The following PTPRN2 variants were observed in gnomAD, a reference collection of about 807,000 sequenced individuals.
PTPRN2 encodes the protein protein tyrosine phosphatase receptor type N2, also known as receptor-type tyrosine-protein phosphatase N2.
Under a neutral mutation model 118.8 loss-of-function variants are expected in PTPRN2, and 74 were observed. The observed-to-expected ratio is 0.62, with a 90% CI of 0.52 to 0.76. The LOEUF is 0.76. PTPRN2 is among the 30% of genes least tolerant of loss of function. The pLI, the probability that PTPRN2 is intolerant of heterozygous loss-of-function variation, is 0.00. For synonymous variants in PTPRN2, 641 were observed against 608.0 expected (o/e 1.05, Z -0.80); for missense variants, 1,481 against 1,394.4 (o/e 1.06, Z -0.99).
At chr7:158,026,127 G>A (rs879341999) in intron 11 of PTPRN2, among the ~76,000 whole-genome samples, 11 of 152,256 alleles carry the variant, frequency 7.2e-5, no homozygotes, top group Admixed American at 3.9e-4. Context: ...GGGTCGGCGC[G>A]GAGGGAAGGA....
chr7:157,798,936 T>G (rs1191839604), intron 12 of PTPRN2, among the ~76,000 whole-genome samples: 1 of 152,100 alleles, frequency 6.6e-6, no homozygotes, highest in Non-Finnish European at 1.5e-5. Context: ...CTCCAGTCCC[T>G]CTCCCAGGAA....
intron 4 of PTPRN2, among the ~76,000 whole-genome samples, chr7:158,200,923 AT>A (rs575867124): frequency 2.6e-5 from 4 of 152,216 alleles, no homozygotes; most frequent in Non-Finnish European, 4.4e-5. Context: ...TGATTTCATT[AT>A]TTTTTTAAAA....
chr7:157,632,139 A>G lies in PTPRN2; in HGVS notation c.2197-10630T>C, dbSNP rs1055869393. On this transcript the variant is annotated intron_variant, in intron 14 of 22. Coordinates refer to ENST00000389418, the MANE Select transcript of PTPRN2 (RefSeq NM_002847.5). This position sits in a 1 kb window ranked among gnomAD's most constrained non-coding sequence, Gnocchi z 4.3. Reference sequence around the variant, plus strand: ...GCTTTTGATGTTCCAAATCGATAACAAAGTCCAGAGTTGTAAGAAATCACA... The same window carrying G: ...GCTTTTGATGTTCCAAATCGATAACGAAGTCCAGAGTTGTAAGAAATCACA... Among the ~76,000 whole-genome samples, 1 of 152,252 alleles carries G rather than the reference A, an allele frequency of 6.6e-6. No individual in the cohort carries two copies. Among genetic ancestry groups the G allele is most frequent in the Non-Finnish European group, 1.5e-5 (1 of 68,052 alleles).
chr7:158,002,441 G>A (rs978344708), intron 11 of PTPRN2, among the ~76,000 whole-genome samples: 1 of 152,202 alleles, frequency 6.6e-6, no homozygotes, highest in Non-Finnish European at 1.5e-5. Flanking sequence ...GGTGGGGAGA[G>A]TCACTTTTGT....
chr7:157,564,704 T>G (rs995696080), intron 21 of PTPRN2, among the ~76,000 whole-genome samples: 1 of 152,232 alleles, frequency 6.6e-6, no homozygotes, highest in African/African-American at 2.4e-5. Flanking sequence ...CACTAGTTGT[T>G]AGGGAGATGC....
chr7:158,102,127 G>A (rs565724449), intron 10 of PTPRN2, among the ~76,000 whole-genome samples: 2 of 152,214 alleles, frequency 1.3e-5, no homozygotes, highest in African/African-American at 4.8e-5. Flanking sequence ...CTCAGCCCAC[G>A]CCTTCACCCT....
intron 9 of PTPRN2, among the ~76,000 whole-genome samples, chr7:158,117,915 A>C (rs924133264): frequency 6.6e-6 from 1 of 152,232 alleles, no homozygotes; most frequent in African/African-American, 2.4e-5. Flanking sequence ...CTTGCAAGAA[A>C]TATTCCAAGG....
At chr7:157,715,846 A>G (rs548865492) in intron 12 of PTPRN2, among the ~76,000 whole-genome samples, 4 of 152,346 alleles carry the variant, frequency 2.6e-5, no homozygotes, top group African/African-American at 9.6e-5. Context: ...GCACTCTGAA[A>G]AGACACCCAG....
intron 2 of PTPRN2, among the ~76,000 whole-genome samples, chr7:158,418,516 A>T (rs1814963164): frequency 7.0e-6 from 1 of 142,148 alleles, no homozygotes; most frequent in Non-Finnish European, 1.5e-5. Context: ...CCACTGTGTT[A>T]AGTCACAGTG....
chr7:158,328,797 C>A (rs985157143), intron 2 of PTPRN2, among the ~76,000 whole-genome samples: 1 of 147,214 alleles, frequency 6.8e-6, no homozygotes. Flanking sequence ...CTCCATTCCC[C>A]CCCCCCCGCC....
At chr7:158,104,233 G>A in intron 10 of PTPRN2, among the ~76,000 whole-genome samples, 1 of 152,134 alleles carries the variant, frequency 6.6e-6, no homozygotes, top group Non-Finnish European at 1.5e-5. Flanking sequence ...TCCTCACTAT[G>A]CCCTCCCCAG....
At chr7:158,522,911 G>A (rs1433465166) in intron 1 of PTPRN2, among the ~76,000 whole-genome samples, 1 of 152,232 alleles carries the variant, frequency 6.6e-6, no homozygotes, top group Non-Finnish European at 1.5e-5. Context: ...GCCGTGAGAA[G>A]GGAGAGGGCA....
intron 12 of PTPRN2, among the ~76,000 whole-genome samples, chr7:157,745,452 T>TTGTGGGAGAGGACAGGCTGC (rs1458433105): frequency 6.6e-6 from 1 of 151,158 alleles, no homozygotes; most frequent in African/African-American, 2.4e-5. Flanking sequence ...GGACAGGCTG[T>TTGTGGGAGAGGACAGGCTGC]GGGAGGCAGG....
Position 157,811,046 on chromosome 7 carries a change from C to T in PTPRN2, c.1788+87627G>A, listed in dbSNP as rs186515730. Among the ~76,000 whole-genome samples the T allele has an allele frequency of 1.4e-4, 22 of 151,942 alleles. No individual in the cohort carries two copies. The East Asian group carries it at 2.1e-3, about 15-fold the overall frequency. On this transcript the variant is annotated intron_variant, in intron 12 of 22. Transcript: ENST00000389418. Reference sequence around the variant, plus strand: ...TAGCACTTTGGGAGGCCAAGGCAGGCGGATCACGAAGTCAGGAGATCGAGA... The same window carrying T: ...TAGCACTTTGGGAGGCCAAGGCAGGTGGATCACGAAGTCAGGAGATCGAGA...
intron 3 of PTPRN2, among the ~76,000 whole-genome samples, chr7:158,212,090 T>C (rs142078424): frequency 1.3e-5 from 2 of 152,216 alleles, no homozygotes; most frequent in East Asian, 1.9e-4. Flanking sequence ...AAAATCATTA[T>C]GTTAAGTGAA....
intron 3 of PTPRN2, among the ~76,000 whole-genome samples, chr7:158,223,315 T>C (rs1424031538): frequency 6.6e-6 from 1 of 152,206 alleles, no homozygotes; most frequent in East Asian, 1.9e-4. Context: ...CAGTTCCCAA[T>C]TTATTTTATG....
At chr7:157,786,603 C>T (rs1190907260) in intron 12 of PTPRN2, among the ~76,000 whole-genome samples, 2 of 152,218 alleles carry the variant, frequency 1.3e-5, no homozygotes, top group African/African-American at 4.8e-5. Context: ...CTCCCACTCT[C>T]AGGAGCCTCA....
At chr7:157,914,590 A>G (rs1381440125) in intron 11 of PTPRN2, among the ~76,000 whole-genome samples, 1 of 150,080 alleles carries the variant, frequency 6.7e-6, no homozygotes, top group African/African-American at 2.5e-5. Flanking sequence ...GTTGGCTCTC[A>G]ATGTAGCTAC....
chr7:158,106,106 C>T, intron 10 of PTPRN2, among the ~76,000 whole-genome samples: 1 of 152,112 alleles, frequency 6.6e-6, no homozygotes, highest in East Asian at 1.9e-4. Flanking sequence ...ATTCTAGCTC[C>T]ATCCTGCTCT....
Sources: gnomAD v4.1 joint callset for allele counts (sites outside exome capture counted in the v4.1 genomes callset) on GRCh38, gnomAD v4.1.1 for gene constraint, Gnocchi (gnomAD v3.1) non-coding constraint, MANE v1.5 for transcripts, NCBI Gene and HGNC (gene_info 2026-07-23, HGNC 2026-07-21) for gene names.